OTULIN: variants seen among roughly 807,000 people sequenced by gnomAD.
OTULIN encodes the protein OTU deubiquitinase with linear linkage specificity.
A neutral mutation model predicts 39.6 loss-of-function variants in OTULIN; 15 were observed. The observed-to-expected ratio is 0.38, with a 90% CI of 0.25 to 0.58. The LOEUF (loss-of-function observed/expected upper bound fraction) is 0.58, where lower values mean the gene tolerates loss of function less well. Among genes scored for constraint, OTULIN ranks in the 20% least tolerant of loss-of-function variants. The probability of loss-of-function intolerance (pLI) is 0.66; values close to 1 mark genes in which losing one functional copy is unlikely to be tolerated. For missense variants in OTULIN, 319 were observed against 445.9 expected, an observed-to-expected ratio of 0.72 and a Z score of 2.56; for synonymous variants, 156 against 170.3, an observed-to-expected ratio of 0.92 and a Z score of 0.65.
the OTULIN span, among the ~76,000 whole-genome samples, chr5:14,714,005 C>T: frequency 6.6e-6 from 1 of 152,274 alleles, no homozygotes; most frequent in Non-Finnish European, 1.5e-5. Context: ...TGATCATCTA[C>T]CTCTAGAAGA....
Position 14,690,436 on chromosome 5 carries a change from C to T in OTULIN, c.864+128C>T, listed in dbSNP as rs1736496209. The T allele has an allele frequency of 2.7e-6, 3 of 1,109,692 alleles. No individual in the cohort carries two copies. The highest frequency in any genetic ancestry group is 2.5e-6 in the Non-Finnish European group (2 of 784,714). 68.7% of individuals were successfully genotyped at this position (1,109,692 alleles called of 1,614,324 possible). Reference sequence around the variant, plus strand: ...GTTGGATGGTTCTGGCTCAGGATGTCATGAGGCTGCAGTTGTATGTTCAGG... The same window carrying T: ...GTTGGATGGTTCTGGCTCAGGATGTTATGAGGCTGCAGTTGTATGTTCAGG... On this transcript the variant is annotated intron_variant, in intron 6 of 6. Transcript: ENST00000284274. The surrounding 1 kb of genome is among the most constrained non-coding windows in gnomAD (Gnocchi z 4.5).
intron 1 of OTULIN, among the ~76,000 whole-genome samples, chr5:14,665,853 A>G (rs1735826325): frequency 6.6e-6 from 1 of 152,234 alleles, no homozygotes; most frequent in Non-Finnish European, 1.5e-5. Flanking sequence ...ACATATTTGC[A>G]TAGTACTTAG....
At chr5:14,666,778 G>A (rs1458477839) in intron 1 of OTULIN, among the ~76,000 whole-genome samples, 1 of 152,196 alleles carries the variant, frequency 6.6e-6, no homozygotes, top group Non-Finnish European at 1.5e-5. Context: ...CATGTCTCAA[G>A]TTTTGGACTT....
At chr5:14,675,738 A>G (rs1450268394) in intron 2 of OTULIN, among the ~76,000 whole-genome samples, 1 of 152,178 alleles carries the variant, frequency 6.6e-6, no homozygotes, top group African/African-American at 2.4e-5. Context: ...CACTTCTCAC[A>G]TCATCTCAGA....
At chr5:14,669,365 CAAAAAAAG>C (rs1490255231) in intron 1 of OTULIN, among the ~76,000 whole-genome samples, 158 of 151,732 alleles carry the variant, frequency 1.0e-3, no homozygotes, top group African/African-American at 3.7e-3. Flanking sequence ...AACTCCGTCT[CAAAAAAAG>C]AAAATAGGTA....
In OTULIN at chr5:14,664,806, C is replaced by G. The variant is rs1560988441; in HGVS notation, c.-20C>G. ...GGATCGTTCGGAGCCGGCTGAACCC[C>G]TTCGGCCGCGAGCGACCGCATGAGT... On this transcript the variant is annotated 5_prime_UTR_variant, in exon 1 of 7. Coordinates refer to ENST00000284274, the MANE Select transcript of OTULIN (RefSeq NM_138348.6). 5 of 1,211,176 alleles carry G rather than the reference C, an allele frequency of 4.1e-6. No individual in the cohort carries two copies. Among genetic ancestry groups the G allele is most frequent in the African/African-American group, 1.6e-5 (1 of 63,650 alleles). 75.0% of individuals were successfully genotyped at this position (1,211,176 alleles called of 1,614,324 possible).
chr5:14,670,225 C>A (rs188300698), intron 1 of OTULIN, among the ~76,000 whole-genome samples: 1 of 152,162 alleles, frequency 6.6e-6, no homozygotes, highest in Non-Finnish European at 1.5e-5. Flanking sequence ...CCACCACCAC[C>A]CCAACTTGAC....
intron 1 of OTULIN, among the ~76,000 whole-genome samples, chr5:14,669,112 C>T (rs1262990548): frequency 6.6e-6 from 1 of 152,018 alleles, no homozygotes; most frequent in South Asian, 2.1e-4. Context: ...ACCTGTAATC[C>T]CAGCACTTTT....
chr5:14,676,388 C>T (rs924543156), intron 2 of OTULIN, among the ~76,000 whole-genome samples: 4 of 152,258 alleles, frequency 2.6e-5, no homozygotes, highest in Admixed American at 6.5e-5. Flanking sequence ...TCTCCAGCTC[C>T]TAGCCTGGTA....
At position 14,696,110 on chromosome 5, in the gene OTULIN, T is replaced by C. The variant is rs1007691297; in HGVS notation, c.*3062T>C. ...TGTGAGTTTTTATGTACTTGGTCTT[T>C]GTTTTTGTTATTCATCCTGTGTCCT... On this transcript the variant is annotated 3_prime_UTR_variant, in exon 7 of 7. Coordinates refer to ENST00000284274, the MANE Select transcript of OTULIN (RefSeq NM_138348.6). The C allele has an allele frequency of 2.6e-5, 4 of 152,146 alleles. No individual in the cohort carries two copies. Among genetic ancestry groups the C allele is most frequent in the African/African-American group, 9.7e-5 (4 of 41,432 alleles). 9.4% of individuals were successfully genotyped at this position (152,146 alleles called of 1,614,324 possible). A position where few individuals can be genotyped will look rare whatever the true frequency, so the allele number is the denominator to read the frequency against.
rs1221401679 is a variant in OTULIN at position 14,698,027 on chromosome 5, A to C, written c.*4979A>C. 1 of 152,224 alleles carries C rather than the reference A, an allele frequency of 6.6e-6. No individual in the cohort carries two copies. The highest frequency in any genetic ancestry group is 1.9e-4 in the East Asian group (1 of 5,206). 9.4% of individuals were successfully genotyped at this position (152,224 alleles called of 1,614,324 possible). On this transcript the variant is annotated 3_prime_UTR_variant, in exon 7 of 7. Transcript: ENST00000284274. ...ATAAGAACTGCAGCAATCCACAGTA[A>C]TGTTGGTTACTTCTGAGTATTTGAT...
intron 4 of OTULIN, among the ~76,000 whole-genome samples, chr5:14,684,701 C>T (rs72732789): frequency 6.6e-6 from 1 of 152,322 alleles, no homozygotes; most frequent in Non-Finnish European, 1.5e-5. Flanking sequence ...GAGATGTTCT[C>T]TGTGGCATGT....
At chr5:14,666,482 C>T (rs1298238755) in intron 1 of OTULIN, among the ~76,000 whole-genome samples, 1 of 152,050 alleles carries the variant, frequency 6.6e-6, no homozygotes, top group Admixed American at 6.6e-5. Flanking sequence ...CTGGAGAGAC[C>T]CTGATGCATC....
chr5:14,673,704 A>G lies in OTULIN; in HGVS notation c.215A>G (p.Glu72Gly). ...IEKEKELLIH[E>G]RGASEPRLSV... ...AAGGAGAAAGAATTGCTTATACATGAAAGAGGGGCATCAGGTATGTTTGGA... is the reference window on the plus strand; with the variant it reads ...AAGGAGAAAGAATTGCTTATACATGGAAGAGGGGCATCAGGTATGTTTGGA... Residue 72 changes from glutamate (E) to glycine (G), a missense_variant, in exon 2 of 7, where the codon GAA becomes GGA. Glu to Gly is a moderately conservative substitution (Grantham distance 98). Coordinates refer to ENST00000284274, the MANE Select transcript of OTULIN (RefSeq NM_138348.6). The G allele has an allele frequency of 1.2e-6, 2 of 1,613,622 alleles. No homozygotes were observed. The highest frequency in any genetic ancestry group is 1.1e-5 in the South Asian group (1 of 91,052).
At chr5:14,684,442 G>T (rs904031102) in intron 4 of OTULIN, among the ~76,000 whole-genome samples, 1 of 152,166 alleles carries the variant, frequency 6.6e-6, no homozygotes, top group Admixed American at 6.5e-5. Flanking sequence ...GTGTTTGAGG[G>T]GCCAGTGAAG....
the OTULIN span, among the ~76,000 whole-genome samples, chr5:14,711,984 C>T: frequency 6.6e-6 from 1 of 152,242 alleles, no homozygotes; most frequent in Non-Finnish European, 1.5e-5. Flanking sequence ...TCCCACCAAC[C>T]CTTCATTGTG....
intron 4 of OTULIN, among the ~76,000 whole-genome samples, chr5:14,682,154 T>C (rs1441106594): frequency 1.3e-5 from 2 of 152,208 alleles, no homozygotes; most frequent in Admixed American, 6.5e-5. Flanking sequence ...ATGGCAGACA[T>C]GCACTGGAAA....
intron 4 of OTULIN, among the ~76,000 whole-genome samples, chr5:14,686,818 C>A (rs1027425932): frequency 6.6e-6 from 1 of 152,018 alleles, no homozygotes; most frequent in African/African-American, 2.4e-5. Context: ...AACAAATACT[C>A]CAGGAATAAA....
intron 5 of OTULIN, among the ~76,000 whole-genome samples, chr5:14,689,061 C>T (rs79546484): frequency 0.016 from 2,396 of 152,220 alleles, 59 homozygotes; most frequent in African/African-American, 0.055. Context: ...AAGGTGGTGT[C>T]GCTGTGGTCA....
Sources: allele counts gnomAD v4.1 joint callset (sites outside exome capture counted in the v4.1 genomes callset), GRCh38; gene constraint gnomAD v4.1.1; non-coding constraint Gnocchi (gnomAD v3.1); transcripts MANE v1.5; gene names NCBI Gene and HGNC (gene_info 2026-07-23, HGNC 2026-07-21).